SEPTIN9: variants seen among roughly 807,000 people sequenced by gnomAD.
SEPTIN9 encodes the protein septin-9.
In SEPTIN9, 13 loss-of-function variants were observed where a neutral mutation model predicts 56.6. The ratio of observed to expected loss-of-function variants is 0.23; its 90% CI spans 0.15 to 0.37. The LOEUF (loss-of-function observed/expected upper bound fraction) is 0.37. Among genes scored for constraint, SEPTIN9 ranks in the 10% least tolerant of loss-of-function variants. SEPTIN9 has a pLI of 1.00. For missense variants in SEPTIN9, 650 were observed against 823.1 expected (o/e 0.79, Z 2.57); for synonymous variants, 332 against 334.1 (o/e 0.99, Z 0.07).
At position 77,405,112 on chromosome 17, in the gene SEPTIN9, A is replaced by G. The variant is rs2036021282; in HGVS notation, c.721+2409A>G. The G allele has an allele frequency of 6.5e-7, 1 of 1,535,312 alleles. No individual in the cohort carries two copies. Among genetic ancestry groups the G allele is most frequent in the Non-Finnish European group, 8.7e-7 (1 of 1,146,774 alleles). ...CGGTGATGGCTGGTGCTGGATGCAC[A>G]GGGACGTGGTCCTGGCTCTGGGGGA... is the stretch of plus-strand genomic sequence containing the variant. On this transcript the variant is annotated intron_variant, in intron 3 of 11. Transcript: ENST00000427177. This position sits in a 1 kb window ranked among gnomAD's most constrained non-coding sequence, Gnocchi z 5.8.
chr17:77,443,843 G>A (rs117791576), intron 3 of SEPTIN9, among the ~76,000 whole-genome samples: 3 of 152,090 alleles, frequency 2.0e-5, no homozygotes, highest in Non-Finnish European at 4.4e-5. Flanking sequence ...CATGTTGAAG[G>A]TACCTGCTTG....
intron 3 of SEPTIN9, among the ~76,000 whole-genome samples, chr17:77,479,772 TGCTGGGGGGA>T (rs1310509819): frequency 1.5e-5 from 2 of 133,928 alleles, no homozygotes; most frequent in Non-Finnish European, 3.2e-5. Flanking sequence ...GGTTGAGGGA[TGCTGGGGGGA>T]GGTGGGGGCG....
intron 7 of SEPTIN9, among the ~76,000 whole-genome samples, chr17:77,489,861 C>T (rs934669817): frequency 4.6e-5 from 7 of 152,226 alleles, no homozygotes; most frequent in African/African-American, 1.7e-4. Context: ...TCTGCCCTCC[C>T]AGGCAGAACG....
At chr17:77,422,994 T>G (rs985128669) in intron 3 of SEPTIN9, among the ~76,000 whole-genome samples, 25 of 152,134 alleles carry the variant, frequency 1.6e-4, no homozygotes, top group African/African-American at 5.6e-4. Flanking sequence ...AATGCCAACA[T>G]CAGGGATCAG....
chr17:77,459,960 G>A (rs1223243511), intron 3 of SEPTIN9, among the ~76,000 whole-genome samples: 5 of 152,086 alleles, frequency 3.3e-5, no homozygotes, highest in African/African-American at 1.2e-4. Flanking sequence ...ACAGGTGTGA[G>A]CCACCTCACC....
chr17:77,373,975 C>T (rs1300870915), intron 2 of SEPTIN9: 1 of 163,176 alleles, frequency 6.1e-6, no homozygotes, highest in Non-Finnish European at 1.3e-5. Flanking sequence ...CTCTCGGGCC[C>T]CGCTTGGACC....
intron 3 of SEPTIN9, among the ~76,000 whole-genome samples, chr17:77,407,156 G>A (rs898315929): frequency 2.0e-5 from 3 of 151,774 alleles, no homozygotes; most frequent in Admixed American, 6.6e-5. Context: ...GATAGCATGC[G>A]CTTGTAGTCC....
At position 77,450,424 on chromosome 17, in the gene SEPTIN9, C is replaced by A; in HGVS notation, c.722-31720C>A. On this transcript the variant is annotated intron_variant, in intron 3 of 11. Transcript: ENST00000427177. The surrounding 1 kb of genome is among the most constrained non-coding windows in gnomAD (Gnocchi z 6.0). ...AGAAGGTGTCACCAAAGGCTTCTTT[C>A]CATTTGAGTGAATCCCTCCCAGCCC... 1.0e-6 allele frequency: 1 copy of A among 952,950 alleles called. No homozygotes were observed. Among genetic ancestry groups the A allele is most frequent in the Non-Finnish European group, 1.2e-6 (1 of 800,244 alleles). The allele number at this position is 952,950 out of a possible 1,614,324, so 59.0% of individuals were successfully genotyped here.
At chr17:77,404,144 T>G (rs1031583254) in intron 3 of SEPTIN9, among the ~76,000 whole-genome samples, 1 of 152,208 alleles carries the variant, frequency 6.6e-6, no homozygotes, top group African/African-American at 2.4e-5. Flanking sequence ...CTGAATAATA[T>G]TCTGTTGTGC....
rs1349905758 is a variant in SEPTIN9 at position 77,329,818 on chromosome 17, T to C, written c.76+22621T>C. 6.6e-6 allele frequency among the ~76,000 whole-genome samples: 1 copy of C among 152,144 alleles called. No individual in the cohort carries two copies. Among genetic ancestry groups the C allele is most frequent in the East Asian group, 1.9e-4 (1 of 5,190 alleles). On this transcript the variant is annotated intron_variant, in intron 2 of 11. Transcript: ENST00000427177. This position sits in a 1 kb window ranked among gnomAD's most constrained non-coding sequence, Gnocchi z 4.3. ...TCTTGGCTGGCTCTTGGAGCTGGGG[T>C]GAGGCAGAACCTCCCTCCCATATTT... is the stretch of plus-strand genomic sequence containing the variant.
rs1266592725 is a variant in SEPTIN9 at position 77,434,672 on chromosome 17, G to A, written c.721+31969G>A. On this transcript the variant is annotated intron_variant, in intron 3 of 11. Coordinates refer to ENST00000427177, the MANE Select transcript of SEPTIN9 (RefSeq NM_001113491.2). This position sits in a 1 kb window ranked among gnomAD's most constrained non-coding sequence, Gnocchi z 5.0. ...GGCATTTGTGGGCACCCCCGCCCCA[G>A]ACGTGAGGGTTGGCATCTTCTCTTG... Among the ~76,000 whole-genome samples, 1 of 152,184 alleles carries A rather than the reference G, an allele frequency of 6.6e-6. No homozygotes were observed. Among genetic ancestry groups the A allele is most frequent in the African/African-American group, 2.4e-5 (1 of 41,458 alleles).
chr17:77,298,815 G>GTTTTA (rs952928700), intron 1 of SEPTIN9, among the ~76,000 whole-genome samples: 1 of 152,152 alleles, frequency 6.6e-6, no homozygotes, highest in African/African-American at 2.4e-5. Flanking sequence ...ATTTTGTTTT[G>GTTTTA]TTTTATTTTA....
chr17:77,404,290 G>A (rs2035993984), intron 3 of SEPTIN9, among the ~76,000 whole-genome samples: 1 of 152,138 alleles, frequency 6.6e-6, no homozygotes, highest in Admixed American at 6.5e-5. Flanking sequence ...TGTCCTCCAG[G>A]CTGGCGTGCA....
intron 7 of SEPTIN9, among the ~76,000 whole-genome samples, chr17:77,489,978 G>A (rs538863798): frequency 5.9e-5 from 9 of 152,340 alleles, no homozygotes; most frequent in Non-Finnish European, 1.0e-4. Flanking sequence ...TGGGCAAGCC[G>A]AGGGCGGGCG....
At chr17:77,409,506 G>A (rs1006097895) in intron 3 of SEPTIN9, among the ~76,000 whole-genome samples, 1 of 152,236 alleles carries the variant, frequency 6.6e-6, no homozygotes, top group Non-Finnish European at 1.5e-5. Flanking sequence ...GCGCAGCTGC[G>A]GGGAAGGGTG....
chr17:77,319,943 C>G lies in SEPTIN9; in HGVS notation c.76+12746C>G. 1 of 1,153,108 alleles carries G rather than the reference C, an allele frequency of 8.7e-7. No homozygotes were observed. The highest frequency in any genetic ancestry group is 1.1e-6 in the Non-Finnish European group (1 of 933,530). The allele number at this position is 1,153,108 out of a possible 1,614,324, so 71.4% of individuals were successfully genotyped here. A position where few individuals can be genotyped will look rare whatever the true frequency, so the allele number is the denominator to read the frequency against. ...CCGCACTCGGGACCTCTGCAGCCAC[C>G]GACCAGACCGGGCGGCCGGGACTCT... On this transcript the variant is annotated intron_variant, in intron 2 of 11. Coordinates refer to ENST00000427177, the MANE Select transcript of SEPTIN9 (RefSeq NM_001113491.2). This position sits in a 1 kb window ranked among gnomAD's most constrained non-coding sequence, Gnocchi z 5.3.
In SEPTIN9 at chr17:77,340,790, C is replaced by T. The variant is rs535311346; in HGVS notation, c.76+33593C>T. Among the ~76,000 whole-genome samples the T allele has an allele frequency of 4.7e-4, 72 of 152,362 alleles. 1 individual carries two copies. Among genetic ancestry groups the T allele is most frequent in the Non-Finnish European group, 1.0e-3 (68 of 68,032 alleles). ...TCATCAGTGCTCTGAGCTAGATCTT[C>T]TGGGTAACTTGCTGCCGCTTCTCCA... On this transcript the variant is annotated intron_variant, in intron 2 of 11. Coordinates refer to ENST00000427177, the MANE Select transcript of SEPTIN9 (RefSeq NM_001113491.2).
In SEPTIN9 at chr17:77,425,560, C is replaced by A. The variant is rs771939555; in HGVS notation, c.721+22857C>A. ...CTGAGCTGGCGGGCCTCGCACACCC[C>A]CAAGGCCGCCTGACTTCCAGCCTCC... On this transcript the variant is annotated intron_variant, in intron 3 of 11. Coordinates refer to ENST00000427177, the MANE Select transcript of SEPTIN9 (RefSeq NM_001113491.2). The surrounding 1 kb of genome is among the most constrained non-coding windows in gnomAD (Gnocchi z 4.2). 6.6e-6 allele frequency among the ~76,000 whole-genome samples: 1 copy of A among 152,222 alleles called. No homozygotes were observed. Among genetic ancestry groups the A allele is most frequent in the Non-Finnish European group, 1.5e-5 (1 of 68,044 alleles).
intron 2 of SEPTIN9, among the ~76,000 whole-genome samples, chr17:77,362,136 A>G (rs982266588): frequency 6.6e-6 from 1 of 152,196 alleles, no homozygotes; most frequent in Non-Finnish European, 1.5e-5. Context: ...CGGAGGCTCC[A>G]TGTGGATTTG....
Sources: allele counts gnomAD v4.1 joint callset (sites outside exome capture counted in the v4.1 genomes callset), GRCh38; gene constraint gnomAD v4.1.1; non-coding constraint Gnocchi (gnomAD v3.1); transcripts MANE v1.5; gene names NCBI Gene and HGNC (gene_info 2026-07-23, HGNC 2026-07-21).